MFN2: variants seen among roughly 807,000 people sequenced by gnomAD.
MFN2 encodes the protein mitofusin-2.
MFN2 carries 43 observed loss-of-function variants against 87.5 expected under a neutral mutation model. That is an observed-to-expected ratio of 0.49 (90% CI 0.38 to 0.63). The LOEUF (loss-of-function observed/expected upper bound fraction) is 0.63. Among genes scored for constraint, MFN2 ranks in the 30% least tolerant of loss-of-function variants. MFN2 has a pLI of 0.00. For missense variants in MFN2, 743 were observed against 972.8 expected (o/e 0.76, Z 3.14); for synonymous variants, 337 against 359.9 (o/e 0.94, Z 0.72).
intron 4 of MFN2, among the ~76,000 whole-genome samples, chr1:11,994,604 T>G (rs1007404612): frequency 2.6e-5 from 4 of 151,738 alleles, no homozygotes; most frequent in Admixed American, 2.0e-4. Flanking sequence ...AAAAAAAATC[T>G]AATACAAGAA....
At chr1:12,007,011 CCA>C in intron 16 of MFN2, 40 bp from the exon 17 acceptor site, 3 of 1,610,442 alleles carry the variant, frequency 1.9e-6, no homozygotes, top group East Asian at 2.2e-5. Context: ...GGAGGGTGGG[CCA>C]CAGAGAGGCT....
rs1645970735 is a variant in MFN2 at position 11,980,877 on chromosome 1, C to T, written c.-150+393C>T. On this transcript the variant is annotated intron_variant, in intron 1 of 18. Coordinates refer to ENST00000235329, the MANE Select transcript of MFN2 (RefSeq NM_014874.4). ...TTTGGGCAGTTACTGCCTTCTCGTT[C>T]AGCCCTGTTTACTTATATGACTTCT... is the stretch of plus-strand genomic sequence containing the variant. 2.0e-5 allele frequency among the ~76,000 whole-genome samples: 3 copies of T among 152,228 alleles called. No homozygotes were observed. In the South Asian group the frequency reaches 6.2e-4, roughly 32 times the overall value.
chr1:11,996,333 C>G lies in MFN2; in HGVS notation c.474+15C>G. ...GGAGTGCCAAGGTGAGGGTGCCAGG[C>G]TGGCTGTCAGCCCTGTGCCTGCTGG... On this transcript the variant is annotated intron_variant, in intron 5 of 18. Coordinates refer to ENST00000235329, the MANE Select transcript of MFN2 (RefSeq NM_014874.4). 1.2e-6 allele frequency: 2 copies of G among 1,613,866 alleles called. No individual in the cohort carries two copies. The highest frequency in any genetic ancestry group is 1.7e-6 in the Non-Finnish European group (2 of 1,179,954).
Position 12,004,793 on chromosome 1 carries a change from T to G in MFN2, c.1393-32T>G. 4 of 1,602,752 alleles carry G rather than the reference T, an allele frequency of 2.5e-6. No individual in the cohort carries two copies. Among genetic ancestry groups the G allele is most frequent in the Non-Finnish European group, 2.6e-6 (3 of 1,170,282 alleles). On this transcript the variant is annotated intron_variant, in intron 13 of 18. Coordinates refer to ENST00000235329, the MANE Select transcript of MFN2 (RefSeq NM_014874.4). This position sits in a 1 kb window ranked among gnomAD's most constrained non-coding sequence, Gnocchi z 4.2. Reference sequence around the variant, plus strand: ...GGCCTGAAGGGAATTTTGATGGACATGCTTCTCTTAACTTCCCTCTTCTGG... The same window carrying G: ...GGCCTGAAGGGAATTTTGATGGACAGGCTTCTCTTAACTTCCCTCTTCTGG...
intron 4 of MFN2, among the ~76,000 whole-genome samples, chr1:11,995,542 A>G (rs1247903963): frequency 6.6e-6 from 1 of 152,134 alleles, no homozygotes; most frequent in African/African-American, 2.4e-5. Context: ...CTGAGGCAGG[A>G]GAATTGCTTG....
In MFN2 at chr1:12,005,813, T is replaced by C. The variant is rs1639382803; in HGVS notation, c.1598T>C (p.Leu533Pro). 6.2e-7 allele frequency: 1 copy of C among 1,614,222 alleles called. No homozygotes were observed. Among genetic ancestry groups the C allele is most frequent in the Non-Finnish European group, 8.5e-7 (1 of 1,180,044 alleles). Residue 533 changes from leucine to proline, a missense_variant, in exon 15 of 19, where the codon CTG becomes CCG. Transcript: ENST00000235329. ...AACTATGACCTAAACTGTGACAAGC[T>C]GTGTGCTGACTTCCAGGAAGACATT... ...SLNYDLNCDKLCADFQEDIEF... is the reference protein window; with the variant it reads ...SLNYDLNCDKPCADFQEDIEF...
At chr1:11,989,886 C>G (rs904635044) in intron 3 of MFN2, among the ~76,000 whole-genome samples, 1 of 152,216 alleles carries the variant, frequency 6.6e-6, no homozygotes, top group Non-Finnish European at 1.5e-5. Flanking sequence ...AGTTCCTTGT[C>G]TATCAGCAGA....
rs1007944234 is a variant in MFN2 at position 11,998,934 on chromosome 1, A to T, written c.709-54A>T. Reference sequence around the variant, plus strand: ...CCAGCACCCCCTGGGCAGGCAGCTGATGGGGCCTTGGCTGTCAAGCTCCTG... The same window carrying T: ...CCAGCACCCCCTGGGCAGGCAGCTGTTGGGGCCTTGGCTGTCAAGCTCCTG... On this transcript the variant is annotated intron_variant, in intron 7 of 18. Coordinates refer to ENST00000235329, the MANE Select transcript of MFN2 (RefSeq NM_014874.4). 5.6e-6 allele frequency: 9 copies of T among 1,611,552 alleles called. No individual in the cohort carries two copies. The African/African-American group carries it at 1.2e-4, about 22-fold the overall frequency.
In MFN2 at chr1:12,005,926, G is replaced by T; in HGVS notation, c.1711G>T (p.Asp571Tyr). 4 of 1,613,246 alleles carry T rather than the reference G, an allele frequency of 2.5e-6. No homozygotes were observed. The South Asian group carries it at 4.4e-5, about 18-fold the overall frequency. ...CCGTCGGGCCTTGATGGGCTACAAT[G>T]ACCAGGCAAGCAAAGTTCCTCACCT... is the stretch of plus-strand genomic sequence containing the variant. ...NSRRALMGYN[D>Y]QVQRPIPLTP... The change falls in exon 15 of 19, where the codon GAC becomes TAC. Residue 571 changes from aspartate (D) to tyrosine (Y), a missense_variant. Around this residue, in one of 3 missense-constraint regions of MFN2, gnomAD observed 571 missense variants for 670.7 expected, o/e 0.85. Transcript: ENST00000235329.
At position 12,004,559 on chromosome 1, in the gene MFN2, C is replaced by T. The variant is rs376300393; in HGVS notation, c.1338C>T (p.Asp446=). ...EEIRRLSVLV[D]DYQMDFHPSP... ...TCAGGCGCCTCTCTGTACTGGTGGACGATTACCAGATGGACTTCCACCCTT... is the reference window on the plus strand; with the variant it reads ...TCAGGCGCCTCTCTGTACTGGTGGATGATTACCAGATGGACTTCCACCCTT... The change falls in exon 13 of 19, where the codon GAC becomes GAT. Residue 446 remains aspartate (D), a synonymous_variant. Coordinates refer to ENST00000235329, the MANE Select transcript of MFN2 (RefSeq NM_014874.4). The surrounding 1 kb of genome is among the most constrained non-coding windows in gnomAD (Gnocchi z 4.2). The T allele has an allele frequency of 8.1e-6, 13 of 1,614,100 alleles. No homozygotes were observed. The highest frequency in any genetic ancestry group is 3.3e-5 in the South Asian group (3 of 91,080).
At chr1:12,007,305 A>G in intron 17 of MFN2, 56 bp downstream of exon 17, 1 of 1,579,220 alleles carries the variant, frequency 6.3e-7, no homozygotes, top group Non-Finnish European at 8.6e-7. Flanking sequence ...GGTCAGCCCC[A>G]TCTCCCTTCC....
At chr1:11,992,811 A>T (rs569618800) in intron 4 of MFN2, 121 bp downstream of exon 4, 1 of 1,230,846 alleles carries the variant, frequency 8.1e-7, no homozygotes, top group African/African-American at 1.5e-5. Context: ...CTTTCCTCTT[A>T]ATTTATATTT....
intron 18 of MFN2, among the ~76,000 whole-genome samples, chr1:12,010,532 A>G (rs559483408): frequency 1.3e-5 from 2 of 152,130 alleles, no homozygotes; most frequent in Non-Finnish European, 2.9e-5. Context: ...CCCCCCATTT[A>G]CCCACAGAGA....
chr1:12,001,511 G>C lies in MFN2; in HGVS notation c.927G>C (p.Val309=), dbSNP rs779947209. ...DRIFFVSAKE[V]LNARIQKAQG... ...TCTTCTTTGTGTCTGCTAAGGAGGT[G>C]CTCAACGCCAGGATTCAGAAAGCCC... Residue 309 remains valine (V), a synonymous_variant, in exon 9 of 19, where the codon GTG becomes GTC. Coordinates refer to ENST00000235329, the MANE Select transcript of MFN2 (RefSeq NM_014874.4). The C allele has an allele frequency of 1.2e-6, 2 of 1,614,206 alleles. No individual in the cohort carries two copies. Among genetic ancestry groups the C allele is most frequent in the Non-Finnish European group, 1.7e-6 (2 of 1,180,030 alleles).
intron 2 of MFN2, among the ~76,000 whole-genome samples, chr1:11,987,780 T>C (rs1638484841): frequency 6.6e-6 from 1 of 151,838 alleles, no homozygotes; most frequent in East Asian, 1.9e-4. Context: ...AGACCCTGTC[T>C]CTACAAAAAA....
At position 11,989,327 on chromosome 1, in the gene MFN2, C is replaced by T. The variant is rs61733200; in HGVS notation, c.159C>T (p.Ser53=). ...AGCTGGGGGCCTACATCCAGGAGAG[C>T]GCCACCTTCCTTGAAGGTAAGGGGG... ...FEQLGAYIQE[S]ATFLEDTYRN... is the part of the protein sequence containing the mutation. Residue 53 remains serine (S), a synonymous_variant, in exon 3 of 19, where the codon AGC becomes AGT. Transcript: ENST00000235329. The T allele has an allele frequency of 4.3e-3, 6,994 of 1,613,936 alleles. 248 individuals are homozygous for T. The African/African-American group carries it at 0.082, about 19-fold the overall frequency.
intron 17 of MFN2, among the ~76,000 whole-genome samples, chr1:12,008,200 T>C (rs983977874): frequency 4.6e-5 from 7 of 152,166 alleles, no homozygotes; most frequent in African/African-American, 1.7e-4. Context: ...TCCCCACATT[T>C]CCCCCTTTTC....
chr1:11,991,630 G>A (rs1447605358), intron 3 of MFN2, among the ~76,000 whole-genome samples: 2 of 152,180 alleles, frequency 1.3e-5, no homozygotes, highest in Non-Finnish European at 2.9e-5. Context: ...AGGGCCTCAA[G>A]AAGTGACATA....
At chr1:11,989,121 G>A (rs149665744) in intron 2 of MFN2, 44 bp from the exon 3 acceptor site, 14 of 1,606,072 alleles carry the variant, frequency 8.7e-6, no homozygotes, top group East Asian at 2.2e-5. Context: ...AGGATGTCCC[G>A]AGGTAGGTGT....
Sources: gnomAD v4.1 joint callset for allele counts (sites outside exome capture counted in the v4.1 genomes callset) on GRCh38, gnomAD v4.1.1 for gene constraint, gnomAD v4.1.1 regional missense constraint, Gnocchi (gnomAD v3.1) non-coding constraint, MANE v1.5 for transcripts, NCBI Gene and HGNC (gene_info 2026-07-23, HGNC 2026-07-21) for gene names.